Variants in CARMIL1 observed in about 807,000 individuals in gnomAD.
The protein encoded by CARMIL1 is F-actin-uncapping protein LRRC16A.
In CARMIL1, 90 loss-of-function variants were observed where a neutral mutation model predicts 177.1. The observed-to-expected ratio is 0.51, with a 90% confidence interval of 0.43 to 0.61. The LOEUF (loss-of-function observed/expected upper bound fraction) is 0.61, where lower values mean the gene tolerates loss of function less well. Ranked by LOEUF, CARMIL1 falls within the 20% of genes least tolerant of loss-of-function variation. CARMIL1 has a pLI of 0.00. For synonymous variants in CARMIL1, 577 were observed against 606.2 expected, an observed-to-expected ratio of 0.95 and a Z score of 0.71; for missense variants, 1,380 against 1,667.0, an observed-to-expected ratio of 0.83 and a Z score of 3.00.
chr6:25,299,021 G>A (rs137942679), intron 2 of CARMIL1, among the ~76,000 whole-genome samples: 2,397 of 151,838 alleles, frequency 0.016, 26 homozygotes, highest in Admixed American at 0.034. Flanking sequence ...CAAAGTGCTG[G>A]GATTACAGGT....
chr6:25,503,976 TC>T (rs1804678438), intron 17 of CARMIL1, among the ~76,000 whole-genome samples: 1 of 152,070 alleles, frequency 6.6e-6, no homozygotes. Context: ...CCGTAAGAGC[TC>T]AATGCATCCT....
In CARMIL1 at chr6:25,412,704, C is replaced by T. The variant is rs1419410944; in HGVS notation, c.139-7410C>T. On this transcript the variant is annotated intron_variant, in intron 2 of 36. Transcript: ENST00000329474. Reference sequence around the variant, plus strand: ...TAAATCTACAATTTATTCTCTAAACCACTAGACCAGGGGTCAGTAACCATA... The same window carrying T: ...TAAATCTACAATTTATTCTCTAAACTACTAGACCAGGGGTCAGTAACCATA... Among the ~76,000 whole-genome samples the T allele has an allele frequency of 2.0e-5, 3 of 147,808 alleles. No homozygotes were observed. In the East Asian group the frequency reaches 5.9e-4, roughly 29 times the overall value.
intron 2 of CARMIL1, among the ~76,000 whole-genome samples, chr6:25,388,828 A>T (rs1389116525): frequency 1.3e-5 from 2 of 151,964 alleles, no homozygotes; most frequent in Non-Finnish European, 2.9e-5. Context: ...GGCACAGACC[A>T]CCACACCCAG....
chr6:25,595,936 A>G (rs573385994), intron 32 of CARMIL1, among the ~76,000 whole-genome samples: 2 of 152,174 alleles, frequency 1.3e-5, no homozygotes, highest in Non-Finnish European at 2.9e-5. Context: ...CTGCCCCTCA[A>G]TTAGTGATGG....
chr6:25,478,993 G>A (rs1052800644), intron 11 of CARMIL1: 4 of 436,842 alleles, frequency 9.2e-6, no homozygotes, highest in African/African-American at 8.1e-5. Flanking sequence ...GAACTCTCCA[G>A]GAAAGTTATA....
intron 2 of CARMIL1, among the ~76,000 whole-genome samples, chr6:25,296,899 AT>A (rs879674950): frequency 0.11 from 4,251 of 38,542 alleles, 73 homozygotes; most frequent in Admixed American, 0.14. Context: ...ATCTTTATCT[AT>A]CTATCTATCT....
At chr6:25,420,292 C>CA in intron 3 of CARMIL1, 128 bp downstream of exon 3, 3 of 857,592 alleles carry the variant, frequency 3.5e-6, no homozygotes, top group Non-Finnish European at 5.9e-6. Context: ...CACACACACA[C>CA]CTCACTTACA....
chr6:25,290,103 CT>C (rs1781823611), intron 2 of CARMIL1, among the ~76,000 whole-genome samples: 1 of 151,890 alleles, frequency 6.6e-6, no homozygotes, highest in South Asian at 2.1e-4. Context: ...GTCTGGACTT[CT>C]TTTTTTTCTG....
intron 31 of CARMIL1, among the ~76,000 whole-genome samples, chr6:25,586,324 G>C (rs1266778520): frequency 6.7e-6 from 1 of 149,132 alleles, no homozygotes; most frequent in African/African-American, 2.5e-5. Context: ...ACGGGGTCGC[G>C]GCCGGGCAGA....
At position 25,435,570 on chromosome 6, in the gene CARMIL1, T is replaced by G; in HGVS notation, c.337T>G (p.Cys113Gly). The G allele has an allele frequency of 6.4e-7, 1 of 1,568,790 alleles. No individual in the cohort carries two copies. The highest frequency in any genetic ancestry group is 1.2e-5 in the South Asian group (1 of 84,912). Residue 113 changes from cysteine (C) to glycine (G), a missense_variant, in exon 5 of 37, where the codon TGC becomes GGC. Coordinates refer to ENST00000329474, the MANE Select transcript of CARMIL1 (RefSeq NM_017640.6). ...TGAGGTGCTGGCTCACATAGGCACC[T>G]GCCTGAGGAAGATATTTCCTGGCCT... ...VSEVLAHIGT[C>G]LRKIFPGLSP...
intron 5 of CARMIL1, among the ~76,000 whole-genome samples, chr6:25,446,352 A>G (rs985491115): frequency 5.3e-5 from 8 of 152,204 alleles, no homozygotes; most frequent in African/African-American, 1.7e-4. Context: ...TCTTAACTAT[A>G]TCTTCTGGAT....
intron 5 of CARMIL1, among the ~76,000 whole-genome samples, chr6:25,439,629 C>T (rs560133256): frequency 3.9e-5 from 6 of 152,150 alleles, no homozygotes; most frequent in East Asian, 3.9e-4. Flanking sequence ...GTGTTGGTGA[C>T]GTGGATAACA....
intron 2 of CARMIL1, among the ~76,000 whole-genome samples, chr6:25,408,339 C>T (rs1190257778): frequency 6.7e-6 from 1 of 149,844 alleles, no homozygotes; most frequent in Non-Finnish European, 1.5e-5. Context: ...AGTGGGATGC[C>T]TGAATTAGAA....
At chr6:25,306,576 CAT>C (rs1196415165) in intron 2 of CARMIL1, among the ~76,000 whole-genome samples, 1 of 152,144 alleles carries the variant, frequency 6.6e-6, no homozygotes, top group Non-Finnish European at 1.5e-5. Flanking sequence ...GCTGACTTAG[CAT>C]ATGTTTTCAA....
intron 4 of CARMIL1, among the ~76,000 whole-genome samples, chr6:25,432,363 C>T (rs1048776672): frequency 3.0e-4 from 45 of 152,092 alleles, no homozygotes; most frequent in Non-Finnish European, 8.8e-5. Flanking sequence ...AATTATAGTT[C>T]ATAAACTCAG....
At chr6:25,543,831 G>A (rs1809153952) in intron 26 of CARMIL1, among the ~76,000 whole-genome samples, 1 of 152,114 alleles carries the variant, frequency 6.6e-6, no homozygotes, top group East Asian at 1.9e-4. Context: ...GTATTTGCTT[G>A]TAATGAATTA....
intron 8 of CARMIL1, among the ~76,000 whole-genome samples, chr6:25,459,275 T>TCTTTCTTTCTTTCTTTC (rs1272799059): frequency 4.9e-5 from 7 of 141,508 alleles, no homozygotes; most frequent in African/African-American, 7.6e-5. Context: ...TCTTTTTTTT[T>TCTTTCTTTCTTTCTTTC]TTTTTAAGAC....
chr6:25,573,056 C>CT (rs1812247612), intron 29 of CARMIL1, among the ~76,000 whole-genome samples: 1 of 152,152 alleles, frequency 6.6e-6, no homozygotes, highest in Non-Finnish European at 1.5e-5. Context: ...TCTATGGGCT[C>CT]TGGGGATCTA....
intron 5 of CARMIL1, among the ~76,000 whole-genome samples, chr6:25,447,084 C>T (rs538388030): frequency 8.5e-5 from 13 of 152,196 alleles, no homozygotes; most frequent in South Asian, 2.1e-4. Flanking sequence ...TGAGAATTAC[C>T]AGAATGTGGC....
Sources: gnomAD v4.1 joint callset for allele counts (sites outside exome capture counted in the v4.1 genomes callset) on GRCh38, gnomAD v4.1.1 for gene constraint, MANE v1.5 for transcripts, NCBI Gene and HGNC (gene_info 2026-07-23, HGNC 2026-07-21) for gene names.